Variants in ICE1 observed in about 807,000 individuals in gnomAD.
ICE1 encodes little elongation complex subunit 1.
ICE1 carries 64 observed loss-of-function variants against 192.7 expected under a neutral mutation model. That is an observed-to-expected ratio of 0.33 (90% confidence interval 0.27 to 0.41). The LOEUF is 0.41. ICE1 is among the 10% of genes least tolerant of loss of function. The probability of loss-of-function intolerance (pLI) is 1.00; values close to 1 mark genes in which losing one functional copy is unlikely to be tolerated. For missense variants in ICE1, 2,708 were observed against 2,696.0 expected, an observed-to-expected ratio of 1.00 and a Z score of -0.10; for synonymous variants, 1,010 against 984.5, an observed-to-expected ratio of 1.03 and a Z score of -0.49.
rs1738839290 is a variant in ICE1 at position 5,462,822 on chromosome 5, C to T, written c.3488C>T (p.Thr1163Ile). 1 of 1,611,384 alleles carries T rather than the reference C, an allele frequency of 6.2e-7. No homozygotes were observed. The highest frequency in any genetic ancestry group is 1.3e-5 in the African/African-American group (1 of 74,868). Reference sequence around the variant, plus strand: ...GCTCTGCAAGATTTTAACATAAGTACTTTTTCTGAGCTGGATAGACTTTCC... The same window carrying T: ...GCTCTGCAAGATTTTAACATAAGTATTTTTTCTGAGCTGGATAGACTTTCC... Reference protein sequence around the residue: ...TSALQDFNISTFSELDRLSTS... With the variant: ...TSALQDFNISIFSELDRLSTS... Residue 1163 changes from threonine (T) to isoleucine (I), a missense_variant, in exon 13 of 19, where the codon ACT (threonine) becomes ATT (isoleucine). Thr to Ile is a moderately conservative substitution (Grantham distance 89). Coordinates refer to ENST00000296564, the MANE Select transcript of ICE1 (RefSeq NM_015325.3).
chr5:5,459,493 A>T (rs767073247), intron 12 of ICE1, among the ~76,000 whole-genome samples: 12 of 152,192 alleles, frequency 7.9e-5, no homozygotes, highest in Admixed American at 2.0e-4. Context: ...TGCAGCTCTG[A>T]TGTCATCCAG....
chr5:5,423,049 G>A (rs1737363889), intron 1 of ICE1, 50 bp downstream of exon 1: 7 of 1,261,472 alleles, frequency 5.5e-6, no homozygotes, highest in African/African-American at 1.6e-5. Context: ...CGGCTCGGCC[G>A]GCCGGGAGCG....
intron 15 of ICE1, among the ~76,000 whole-genome samples, chr5:5,471,748 ATTGTC>A (rs1424142975): frequency 6.6e-6 from 1 of 152,156 alleles, no homozygotes; most frequent in Non-Finnish European, 1.5e-5. Context: ...AATCAGTAGT[ATTGTC>A]TTCAGTGTAA....
In ICE1 at chr5:5,464,765, A is replaced by G; in HGVS notation, c.5431A>G (p.Ser1811Gly). 6.2e-7 allele frequency: 1 copy of G among 1,613,826 alleles called. No individual in the cohort carries two copies. Among genetic ancestry groups the G allele is most frequent in the Non-Finnish European group, 8.5e-7 (1 of 1,179,834 alleles). ...SAATAFVKTGSSSGGDCNQDK... is the reference protein window; with the variant it reads ...SAATAFVKTGGSSGGDCNQDK... ...AGCAACTGCTTTTGTCAAAACTGGG[A>G]GCAGCTCTGGTGGTGACTGTAACCA... Residue 1811 changes from serine (S) to glycine (G), a missense_variant, in exon 13 of 19, where the codon AGC (serine) becomes GGC (glycine). By Grantham distance (56) the Ser-to-Gly change is moderately conservative. Around this residue, in one of 2 missense-constraint regions of ICE1, gnomAD observed 2,366 missense variants for 2,276.6 expected, o/e 1.04. Transcript: ENST00000296564. The surrounding 1 kb of genome is among the most constrained non-coding windows in gnomAD (Gnocchi z 4.0).
intron 8 of ICE1, 65 bp downstream of exon 8, chr5:5,447,574 T>G: frequency 7.1e-7 from 1 of 1,406,340 alleles, no homozygotes; most frequent in South Asian, 1.3e-5. Flanking sequence ...GTAGTGTCTC[T>G]GTGTTGTAAC....
In ICE1 at chr5:5,463,852, TAA is replaced by T; in HGVS notation, c.4519_4520del (p.Lys1507GlufsTer6). 1 of 1,613,960 alleles carries T rather than the reference TAA, an allele frequency of 6.2e-7. No individual in the cohort carries two copies. The highest frequency in any genetic ancestry group is 2.2e-5 in the East Asian group (1 of 44,880). On this transcript the variant is annotated frameshift_variant, in exon 13 of 19. Transcript: ENST00000296564. LOFTEE classifies it high-confidence loss of function. ...SSSGQSTNFD[K>X]SRLRNRPVKP... ...GCAGTGGTCAGAGCACCAACTTTGA[TAA>T]GAGTCGTTTGCGAAATAGACCCGTT... is the stretch of plus-strand genomic sequence containing the variant.
intron 17 of ICE1, 44 bp from the exon 18 acceptor site, chr5:5,486,673 TAATC>T (rs1304449633): frequency 1.6e-6 from 2 of 1,281,898 alleles, no homozygotes; most frequent in African/African-American, 3.0e-5. Flanking sequence ...TAGGAAAAGT[TAATC>T]AACATTTAAC....
chr5:5,479,687 A>T (rs548027305), intron 17 of ICE1, among the ~76,000 whole-genome samples: 25 of 152,334 alleles, frequency 1.6e-4, no homozygotes, highest in Non-Finnish European at 3.1e-4. Context: ...AAGACTTGGA[A>T]CCAACCCAAG....
At chr5:5,444,400 C>G in intron 7 of ICE1, 74 bp downstream of exon 7, 1 of 1,006,012 alleles carries the variant, frequency 9.9e-7, no homozygotes, top group Non-Finnish European at 1.5e-6. Flanking sequence ...GGAGGTACTT[C>G]TTGATCAAAT....
intron 13 of ICE1, among the ~76,000 whole-genome samples, chr5:5,465,908 TTTTAAA>T (rs1215018505): frequency 6.6e-6 from 1 of 152,220 alleles, no homozygotes; most frequent in Admixed American, 6.5e-5. Context: ...TTACTTAGTA[TTTTAAA>T]TTTAAACAGT....
rs528794254 is a variant in ICE1, at chr5:5,426,940, A to G, written c.84+3941A>G. The stretch of plus-strand genomic sequence containing the variant: ...GATCATGCAGAGAATTTACAAGTGT[A>G]ACATAGGAGTCAGTCTTTCCAATGG... On this transcript the variant is annotated intron_variant, in intron 1 of 18. Transcript: ENST00000296564. Among the ~76,000 whole-genome samples the G allele has an allele frequency of 4.6e-5, 7 of 152,332 alleles. No individual in the cohort carries two copies. The South Asian group carries it at 1.5e-3, about 32-fold the overall frequency.
In ICE1 at chr5:5,464,845, G is replaced by A; in HGVS notation, c.5511G>A (p.Leu1837=). 1 of 1,613,276 alleles carries A rather than the reference G, an allele frequency of 6.2e-7. No individual in the cohort carries two copies. ...AGGATTCAAGCGGGAAAAGAACACT[G>A]TCAACGTCTACACTGAGAAGTGCTA... is the stretch of plus-strand genomic sequence containing the variant. The part of the protein sequence containing the change: ...TQQDSSGKRT[L]STSTLRSAKR... Residue 1837 remains leucine (L), a synonymous_variant, in exon 13 of 19, where the codon CTG becomes CTA. Transcript: ENST00000296564. This position sits in a 1 kb window ranked among gnomAD's most constrained non-coding sequence, Gnocchi z 4.0.
chr5:5,452,422 C>G (rs1165245790), intron 10 of ICE1, among the ~76,000 whole-genome samples: 2 of 151,940 alleles, frequency 1.3e-5, no homozygotes, highest in Non-Finnish European at 2.9e-5. Context: ...AAGAACAACC[C>G]ATTCTCAAGT....
At chr5:5,470,647 A>G (rs530386949) in intron 15 of ICE1, among the ~76,000 whole-genome samples, 64 of 152,336 alleles carry the variant, frequency 4.2e-4, no homozygotes, top group Non-Finnish European at 7.2e-4. Flanking sequence ...TATTTTTTAT[A>G]TATCTATGAC....
At chr5:5,436,369 T>C in intron 1 of ICE1, 49 bp from the exon 2 acceptor site, 5 of 1,052,010 alleles carry the variant, frequency 4.8e-6, no homozygotes, top group South Asian at 1.7e-5. Context: ...ACAATAATTA[T>C]ATTTAAAGTA....
chr5:5,455,099 A>T (rs948550279), intron 11 of ICE1, among the ~76,000 whole-genome samples: 2 of 152,238 alleles, frequency 1.3e-5, no homozygotes, highest in African/African-American at 4.8e-5. Context: ...AGGGGAGCAG[A>T]TAGCTGTCTT....
chr5:5,431,834 G>A (rs1737719830), intron 1 of ICE1, among the ~76,000 whole-genome samples: 2 of 151,744 alleles, frequency 1.3e-5, no homozygotes, highest in South Asian at 2.1e-4. Context: ...TTGAATACCA[G>A]TATTTTTTTT....
In ICE1 at chr5:5,460,926, G is replaced by GTTC. The variant is rs535039640; in HGVS notation, c.1597_1599dup (p.Ser533dup). 1,282 of 1,614,024 alleles carry GTTC rather than the reference G, an allele frequency of 7.9e-4. 9 individuals carry two copies. Among genetic ancestry groups the GTTC allele is most frequent in the South Asian group, 6.6e-3 (598 of 91,082 alleles). ...GCTGCCCCTGGGAAGTCTGAGTTGT[G>GTTC]TTCTTCTCCCCTTGGCAAAAGGCCA... is the stretch of plus-strand genomic sequence containing the variant. On this transcript the variant is annotated inframe_insertion, in exon 13 of 19. Transcript: ENST00000296564.
chr5:5,478,548 T>C (rs1293362014), intron 17 of ICE1, among the ~76,000 whole-genome samples: 2 of 152,236 alleles, frequency 1.3e-5, no homozygotes, highest in African/African-American at 4.8e-5. Flanking sequence ...ATAGATTCAA[T>C]GCTATTTCCA....
Sources: gnomAD v4.1 joint callset for allele counts (sites outside exome capture counted in the v4.1 genomes callset) on GRCh38, gnomAD v4.1.1 for gene constraint, gnomAD v4.1.1 regional missense constraint, Gnocchi (gnomAD v3.1) non-coding constraint, MANE v1.5 for transcripts, NCBI Gene and HGNC (gene_info 2026-07-23, HGNC 2026-07-21) for gene names.